Variants in SDK1 observed in about 807,000 individuals in gnomAD.
The protein encoded by SDK1 is sidekick cell adhesion molecule 1.
A neutral mutation model predicts 245.5 loss-of-function variants in SDK1; 157 were observed. That is an observed-to-expected ratio of 0.64 (90% CI 0.56 to 0.73). The LOEUF (loss-of-function observed/expected upper bound fraction) is 0.73. Among genes scored for constraint, SDK1 ranks in the 30% least tolerant of loss-of-function variants. SDK1 has a pLI of 0.00. For synonymous variants in SDK1, 1,647 were observed against 1,278.5 expected (o/e 1.29, Z -6.15); for missense variants, 3,583 against 3,002.3 (o/e 1.19, Z -4.52).
chr7:3,791,794 A>G (rs1781099991), intron 4 of SDK1, among the ~76,000 whole-genome samples: 2 of 152,092 alleles, frequency 1.3e-5, no homozygotes. Context: ...TTGGCCAGTT[A>G]TGGAACAAAG....
At chr7:3,556,493 C>A (rs1264730397) in intron 1 of SDK1, among the ~76,000 whole-genome samples, 1 of 151,942 alleles carries the variant, frequency 6.6e-6, no homozygotes, top group Non-Finnish European at 1.5e-5. Flanking sequence ...CATAGTACAA[C>A]AGGGTGACTA....
At chr7:3,846,315 A>G (rs1187354329) in intron 5 of SDK1, among the ~76,000 whole-genome samples, 1 of 152,248 alleles carries the variant, frequency 6.6e-6, no homozygotes, top group East Asian at 1.9e-4. Context: ...TGTTTATTGC[A>G]TGAAAATAAG....
chr7:3,817,389 T>C (rs1779535967), intron 4 of SDK1, among the ~76,000 whole-genome samples: 1 of 152,178 alleles, frequency 6.6e-6, no homozygotes, highest in Admixed American at 6.5e-5. Flanking sequence ...TCTCCTCCAC[T>C]CTGAGCAGGG....
rs1583666520 is a variant in SDK1 at position 3,311,041 on chromosome 7, T to G, written c.298+9157T>G. On this transcript the variant is annotated intron_variant, in intron 1 of 44. Transcript: ENST00000404826. Reference sequence around the variant, plus strand: ...TTTGTGTAGAGGAATCCTGCCTTATTTATCTTTTCTTTTCCTGTAATATTA... The same window carrying G: ...TTTGTGTAGAGGAATCCTGCCTTATGTATCTTTTCTTTTCCTGTAATATTA... Among the ~76,000 whole-genome samples, 2 of 152,268 alleles carry G rather than the reference T, an allele frequency of 1.3e-5. 1 individual carries two copies. The highest frequency in any genetic ancestry group is 4.2e-4 in the South Asian group (2 of 4,814).
chr7:3,750,478 C>T (rs1298915729), intron 4 of SDK1, among the ~76,000 whole-genome samples: 1 of 152,100 alleles, frequency 6.6e-6, no homozygotes, highest in Non-Finnish European at 1.5e-5. Context: ...AGGACCATTG[C>T]AATAGGTATA....
chr7:3,840,044 C>A (rs373429008), intron 5 of SDK1, among the ~76,000 whole-genome samples: 8 of 152,080 alleles, frequency 5.3e-5, no homozygotes, highest in African/African-American at 1.9e-4. Flanking sequence ...GTCTCTGGGT[C>A]CCTCCGTATG....
intron 1 of SDK1, among the ~76,000 whole-genome samples, chr7:3,332,945 T>C (rs2128551525): frequency 6.6e-6 from 1 of 152,360 alleles, no homozygotes; most frequent in Admixed American, 6.5e-5. Flanking sequence ...AATTGAAGGC[T>C]AAGTTGAGCC....
intron 25 of SDK1, among the ~76,000 whole-genome samples, chr7:4,119,615 T>C (rs1370038303): frequency 6.7e-6 from 1 of 148,476 alleles, no homozygotes; most frequent in East Asian, 1.9e-4. Flanking sequence ...TTTACTCTCC[T>C]CCAAAAATAA....
intron 19 of SDK1, among the ~76,000 whole-genome samples, chr7:4,056,432 A>G (rs1225195444): frequency 6.6e-6 from 1 of 152,174 alleles, no homozygotes; most frequent in Non-Finnish European, 1.5e-5. Flanking sequence ...CACACTTCAA[A>G]TAGATCCAAG....
At chr7:4,068,783 G>A (rs1222437782) in intron 20 of SDK1, among the ~76,000 whole-genome samples, 2 of 151,940 alleles carry the variant, frequency 1.3e-5, no homozygotes, top group South Asian at 2.1e-4. Context: ...GTGCGGTGGC[G>A]TGATCTCGGC....
At chr7:3,852,259 A>T (rs995805160) in intron 5 of SDK1, among the ~76,000 whole-genome samples, 3 of 151,624 alleles carry the variant, frequency 2.0e-5, no homozygotes, top group African/African-American at 4.9e-5. Context: ...TATTCCGTAG[A>T]AGTATAGAAA....
At chr7:3,386,258 C>G (rs1781607598) in intron 1 of SDK1, among the ~76,000 whole-genome samples, 1 of 152,106 alleles carries the variant, frequency 6.6e-6, no homozygotes, top group Non-Finnish European at 1.5e-5. Context: ...TGGTTTTATA[C>G]TTTATCTATT....
chr7:3,309,319 G>A (rs1399675391), intron 1 of SDK1, among the ~76,000 whole-genome samples: 2 of 150,794 alleles, frequency 1.3e-5, no homozygotes, highest in Non-Finnish European at 2.9e-5. Context: ...CCACCAGATG[G>A]CAACAGAAAA....
chr7:4,219,820 T>A (rs1347147988), intron 38 of SDK1, among the ~76,000 whole-genome samples: 1 of 17,920 alleles, frequency 5.6e-5, no homozygotes, highest in South Asian at 1.9e-3. Context: ...CGCTCCTCCC[T>A]CCCCTCCCCG....
chr7:3,335,452 A>G (rs1263840880), intron 1 of SDK1, among the ~76,000 whole-genome samples: 2 of 150,670 alleles, frequency 1.3e-5, no homozygotes, highest in African/African-American at 2.4e-5. Flanking sequence ...CCAGTAGACT[A>G]TAAGCTTCAT....
intron 1 of SDK1, among the ~76,000 whole-genome samples, chr7:3,465,923 C>A (rs1583898817): frequency 6.6e-6 from 1 of 152,112 alleles, no homozygotes; most frequent in African/African-American, 2.4e-5. Flanking sequence ...TCCAAGTTGT[C>A]TGTGAATAAA....
intron 29 of SDK1, among the ~76,000 whole-genome samples, chr7:4,149,004 T>C (rs1780171538): frequency 6.6e-6 from 1 of 152,100 alleles, no homozygotes; most frequent in Admixed American, 6.5e-5. Flanking sequence ...TGTAGTGAGC[T>C]GAGATCACGC....
intron 5 of SDK1, among the ~76,000 whole-genome samples, chr7:3,844,574 A>G (rs545952934): frequency 6.6e-6 from 1 of 152,344 alleles, no homozygotes; most frequent in South Asian, 2.1e-4. Context: ...GTCTTTTCCA[A>G]CAGGGAGCTA....
intron 17 of SDK1, among the ~76,000 whole-genome samples, chr7:4,045,609 C>T (rs139418838): frequency 2.6e-5 from 4 of 152,218 alleles, no homozygotes; most frequent in African/African-American, 2.4e-5. Flanking sequence ...GCAGGATTAC[C>T]GGGTCACGTG....
Sources: allele counts gnomAD v4.1 joint callset (sites outside exome capture counted in the v4.1 genomes callset), GRCh38; gene constraint gnomAD v4.1.1; transcripts MANE v1.5; gene names NCBI Gene and HGNC (gene_info 2026-07-23, HGNC 2026-07-21).